Variants in BICC1 observed in about 807,000 individuals in gnomAD.
The protein encoded by BICC1 is protein bicaudal C homolog 1.
Under a neutral mutation model 111.0 loss-of-function variants are expected in BICC1, and 43 were observed. The observed-to-expected ratio is 0.39, with a 90% CI of 0.30 to 0.50. The LOEUF is 0.50. BICC1 is among the 20% of genes least tolerant of loss of function. The pLI is 0.88. For synonymous variants in BICC1, 467 were observed against 434.4 expected, an observed-to-expected ratio of 1.07 and a Z score of -0.93; for missense variants, 1,091 against 1,203.2, an observed-to-expected ratio of 0.91 and a Z score of 1.38.
intron 3 of BICC1, among the ~76,000 whole-genome samples, chr10:58,708,386 A>C (rs1840464278): frequency 6.6e-6 from 1 of 151,618 alleles, no homozygotes; most frequent in African/African-American, 2.4e-5. Flanking sequence ...GTGAAGCGGC[A>C]TCATTGTCTG....
At chr10:58,815,737 A>T (rs1844067062) in intron 18 of BICC1, among the ~76,000 whole-genome samples, 1 of 152,162 alleles carries the variant, frequency 6.6e-6, no homozygotes, top group Admixed American at 6.6e-5. Context: ...GTTATAGGCT[A>T]CTTTGAACAT....
chr10:58,817,088 G>A (rs117593736), intron 18 of BICC1, among the ~76,000 whole-genome samples: 1 of 152,202 alleles, frequency 6.6e-6, no homozygotes, highest in Non-Finnish European at 1.5e-5. Context: ...GGATTTATGT[G>A]TTGCAATACC....
At chr10:58,692,841 T>C (rs1251403657) in intron 2 of BICC1, among the ~76,000 whole-genome samples, 1 of 136,756 alleles carries the variant, frequency 7.3e-6, no homozygotes, top group Non-Finnish European at 1.5e-5. Context: ...TCCATCTTTT[T>C]TTTTTTTGAT....
chr10:58,754,754 G>C (rs1421501043), intron 3 of BICC1, among the ~76,000 whole-genome samples: 3 of 110,818 alleles, frequency 2.7e-5, no homozygotes, highest in Admixed American at 1.0e-4. Context: ...GTGAGGGGGG[G>C]TGTGTATGTG....
chr10:58,744,353 T>C (rs1445977513), intron 3 of BICC1, among the ~76,000 whole-genome samples: 1 of 152,060 alleles, frequency 6.6e-6, no homozygotes, highest in East Asian at 1.9e-4. Flanking sequence ...CTTTCCCCAC[T>C]CAATTTTTCT....
chr10:58,827,386 A>G (rs533418535), intron 20 of BICC1, among the ~76,000 whole-genome samples: 2 of 152,362 alleles, frequency 1.3e-5, no homozygotes, highest in East Asian at 1.9e-4. Flanking sequence ...GCACGACTTC[A>G]CAGAATTTAC....
chr10:58,531,805 G>A (rs952833203), intron 1 of BICC1, among the ~76,000 whole-genome samples: 3 of 151,600 alleles, frequency 2.0e-5, no homozygotes, highest in African/African-American at 7.3e-5. Context: ...AATTATAGGG[G>A]ATCAACAGCA....
intron 20 of BICC1, 110 bp from the exon 21 acceptor site, chr10:58,828,651 T>A: frequency 1.7e-6 from 2 of 1,195,844 alleles, no homozygotes; most frequent in Non-Finnish European, 2.3e-6. Flanking sequence ...CAGACTTGAC[T>A]TTCCTCAAAA....
intron 1 of BICC1, among the ~76,000 whole-genome samples, chr10:58,568,129 A>C (rs1843828219): frequency 6.6e-6 from 1 of 152,170 alleles, no homozygotes; most frequent in South Asian, 2.1e-4. Context: ...AGTGGTGCTA[A>C]CAGTGAGACT....
At chr10:58,660,498 G>C (rs1485147686) in intron 2 of BICC1, among the ~76,000 whole-genome samples, 1 of 150,680 alleles carries the variant, frequency 6.6e-6, no homozygotes, top group East Asian at 1.9e-4. Context: ...AAAAAAAAAA[G>C]AGTTCATTCT....
chr10:58,673,051 T>C (rs1839229721), intron 2 of BICC1, among the ~76,000 whole-genome samples: 1 of 152,216 alleles, frequency 6.6e-6, no homozygotes, highest in South Asian at 2.1e-4. Context: ...TCTGTGTGTT[T>C]GTCTTTCTAG....
intron 18 of BICC1, 29 bp from the exon 19 acceptor site, chr10:58,817,533 T>C (rs1375054745): frequency 6.2e-7 from 1 of 1,612,614 alleles, no homozygotes; most frequent in African/African-American, 1.3e-5. Flanking sequence ...GCATTTACAC[T>C]TCAAGCCTGT....
At chr10:58,754,482 GA>G (rs1842083216) in intron 3 of BICC1, among the ~76,000 whole-genome samples, 1 of 152,216 alleles carries the variant, frequency 6.6e-6, no homozygotes, top group South Asian at 2.1e-4. Flanking sequence ...ACATTATTAA[GA>G]AAATCCACAG....
At chr10:58,588,932 G>A (rs1289619396) in intron 1 of BICC1, among the ~76,000 whole-genome samples, 8 of 152,078 alleles carry the variant, frequency 5.3e-5, no homozygotes, top group Non-Finnish European at 8.8e-5. Flanking sequence ...GTCTCCCTTT[G>A]CCCTGATCTC....
chr10:58,636,568 A>G (rs1467450838), intron 2 of BICC1, among the ~76,000 whole-genome samples: 2 of 151,966 alleles, frequency 1.3e-5, no homozygotes, highest in Non-Finnish European at 2.9e-5. Flanking sequence ...GCATTCTTCC[A>G]TACACATCAT....
At chr10:58,633,988 T>G (rs144649031) in intron 2 of BICC1, among the ~76,000 whole-genome samples, 2 of 82,316 alleles carry the variant, frequency 2.4e-5, no homozygotes, top group African/African-American at 9.6e-5. Context: ...TTTTTTTTTT[T>G]TCTTTTCTTT....
At chr10:58,775,678 T>C (rs577771690) in intron 3 of BICC1, among the ~76,000 whole-genome samples, 167 of 152,174 alleles carry the variant, frequency 1.1e-3, no homozygotes, top group Non-Finnish European at 1.6e-3. Flanking sequence ...TAATGCACAG[T>C]TGGGGAGAGG....
At chr10:58,615,639 C>T (rs771428211) in intron 1 of BICC1, among the ~76,000 whole-genome samples, 81 of 152,114 alleles carry the variant, frequency 5.3e-4, no homozygotes, top group Non-Finnish European at 8.8e-4. Context: ...ACCACTCATC[C>T]ACCCACTCCT....
chr10:58,803,636 T>C (rs1843622519), intron 15 of BICC1, among the ~76,000 whole-genome samples: 1 of 152,182 alleles, frequency 6.6e-6, no homozygotes, highest in African/African-American at 2.4e-5. Context: ...TGAATGTGTT[T>C]GGTGCCATTT....
Sources: gnomAD v4.1 joint callset for allele counts (sites outside exome capture counted in the v4.1 genomes callset) on GRCh38, gnomAD v4.1.1 for gene constraint, MANE v1.5 for transcripts, NCBI Gene and HGNC (gene_info 2026-07-23, HGNC 2026-07-21) for gene names.